The following FMN2 variants were observed in gnomAD, a reference collection of about 807,000 sequenced individuals.
FMN2 encodes the protein formin 2.
A neutral mutation model predicts 142.3 loss-of-function variants in FMN2; 51 were observed. That is an observed-to-expected ratio of 0.36 (90% CI 0.29 to 0.45). The LOEUF is 0.45. FMN2 is among the 20% of genes least tolerant of loss of function. FMN2 has a pLI of 1.00. For missense variants in FMN2, 1,936 were observed against 2,122.8 expected (o/e 0.91, Z 1.73); for synonymous variants, 882 against 869.8 (o/e 1.01, Z -0.25).
intron 16 of FMN2, among the ~76,000 whole-genome samples, chr1:240,464,840 G>A (rs917515475): frequency 1.3e-5 from 2 of 152,162 alleles, no homozygotes; most frequent in African/African-American, 2.4e-5. Context: ...TGTTTTTAAA[G>A]CTTGATTTTC....
At chr1:240,429,656 A>G (rs946715157) in intron 15 of FMN2, among the ~76,000 whole-genome samples, 1 of 152,166 alleles carries the variant, frequency 6.6e-6, no homozygotes, top group Non-Finnish European at 1.5e-5. Flanking sequence ...GACTTTTATA[A>G]GTGGAATCAT....
chr1:240,322,732 A>G (rs1314323891), intron 8 of FMN2, among the ~76,000 whole-genome samples: 1 of 152,108 alleles, frequency 6.6e-6, no homozygotes, highest in Non-Finnish European at 1.5e-5. Context: ...ACTGTGGGGG[A>G]TGGAAAGCAC....
chr1:240,337,427 A>G lies in FMN2; in HGVS notation c.4765+3198A>G, dbSNP rs1260317155. On this transcript the variant is annotated intron_variant, in intron 13 of 17. Coordinates refer to ENST00000319653, the MANE Select transcript of FMN2 (RefSeq NM_020066.5). ...GAGACAGGGTTTTGCCATGTTGGCC[A>G]GGCTGGTCTCGAACTCCTGACAAAA... Among the ~76,000 whole-genome samples the G allele has an allele frequency of 2.0e-5, 3 of 152,174 alleles. No homozygotes were observed. In the East Asian group the frequency reaches 5.8e-4, roughly 29 times the overall value.
chr1:240,218,081 G>A (rs1377003540), intron 6 of FMN2, among the ~76,000 whole-genome samples: 2 of 151,876 alleles, frequency 1.3e-5, no homozygotes, highest in African/African-American at 4.8e-5. Flanking sequence ...TCAAGAGATC[G>A]AGACCATCCT....
intron 6 of FMN2, among the ~76,000 whole-genome samples, chr1:240,221,022 C>T (rs983037200): frequency 3.9e-5 from 6 of 152,200 alleles, no homozygotes; most frequent in East Asian, 1.9e-4. Flanking sequence ...CCAGCTTCAT[C>T]CATGTCTCTG....
intron 14 of FMN2, among the ~76,000 whole-genome samples, chr1:240,381,683 G>T (rs1035997456): frequency 6.6e-6 from 1 of 152,160 alleles, no homozygotes; most frequent in African/African-American, 2.4e-5. Flanking sequence ...GCCTGCCTGG[G>T]TCTCCCAAAG....
intron 4 of FMN2, among the ~76,000 whole-genome samples, chr1:240,206,188 A>G (rs1258784205): frequency 6.6e-6 from 1 of 152,188 alleles, no homozygotes; most frequent in East Asian, 1.9e-4. Context: ...ACAGGTGTGA[A>G]CCACCATGTC....
At chr1:240,237,630 T>G (rs1301820586) in intron 6 of FMN2, among the ~76,000 whole-genome samples, 1 of 152,166 alleles carries the variant, frequency 6.6e-6, no homozygotes, top group Non-Finnish European at 1.5e-5. Context: ...AGAAGGGAAT[T>G]TCATTGGAGC....
chr1:240,195,244 C>T (rs1286642161), intron 4 of FMN2, among the ~76,000 whole-genome samples: 4 of 152,192 alleles, frequency 2.6e-5, no homozygotes, highest in African/African-American at 9.7e-5. Flanking sequence ...CGTGGACTTT[C>T]CCAGCTGATG....
intron 2 of FMN2, among the ~76,000 whole-genome samples, chr1:240,146,163 C>T (rs1428338125): frequency 6.7e-6 from 1 of 149,950 alleles, no homozygotes; most frequent in Non-Finnish European, 1.5e-5. Flanking sequence ...GTGGGCAGAT[C>T]ACGAGGTCAG....
chr1:240,209,308 C>T (rs942371518), intron 5 of FMN2, among the ~76,000 whole-genome samples: 3 of 150,606 alleles, frequency 2.0e-5, no homozygotes, highest in Admixed American at 6.6e-5. Flanking sequence ...TGGAGTGCAG[C>T]GGTGCAGCCT....
intron 2 of FMN2, chr1:240,170,225 C>A: frequency 2.4e-6 from 3 of 1,272,808 alleles, no homozygotes; most frequent in African/African-American, 1.5e-5. Context: ...GCTGGAAAGC[C>A]TCTCTCCGTA....
chr1:240,103,055 G>A (rs1411935038), intron 1 of FMN2, among the ~76,000 whole-genome samples: 3 of 151,718 alleles, frequency 2.0e-5, no homozygotes, highest in Non-Finnish European at 4.4e-5. Flanking sequence ...TTGTAGAGAC[G>A]GGGTTTCACC....
intron 13 of FMN2, 117 bp from the exon 14 acceptor site, chr1:240,355,699 C>G: frequency 1.6e-6 from 1 of 626,658 alleles, no homozygotes; most frequent in Non-Finnish European, 2.8e-6. Context: ...GTGTGCAGAA[C>G]ATATGCTGAT....
intron 2 of FMN2, among the ~76,000 whole-genome samples, chr1:240,147,235 G>C (rs973831248): frequency 6.6e-6 from 1 of 152,156 alleles, no homozygotes; most frequent in Non-Finnish European, 1.5e-5. Flanking sequence ...TGTGAAAACT[G>C]AGACTTAGGG....
chr1:240,368,015 C>T (rs1348057010), intron 14 of FMN2, among the ~76,000 whole-genome samples: 1 of 151,950 alleles, frequency 6.6e-6, no homozygotes, highest in Non-Finnish European at 1.5e-5. Context: ...TATGCTGTAC[C>T]ATTTCTATCA....
chr1:240,447,022 G>A (rs1471017957), intron 16 of FMN2, among the ~76,000 whole-genome samples: 22 of 152,200 alleles, frequency 1.4e-4, no homozygotes, highest in Admixed American at 1.4e-3. Flanking sequence ...GACTATTCCT[G>A]AGAGATGAGG....
At chr1:240,098,237 G>A (rs1390812339) in intron 1 of FMN2, among the ~76,000 whole-genome samples, 1 of 151,812 alleles carries the variant, frequency 6.6e-6, no homozygotes, top group African/African-American at 2.4e-5. Context: ...GAGTAGCTGG[G>A]ATTATAGGCG....
chr1:240,379,281 A>T (rs72767933), intron 14 of FMN2, among the ~76,000 whole-genome samples: 2,011 of 151,986 alleles, frequency 0.013, 24 homozygotes, highest in Non-Finnish European at 0.019. Flanking sequence ...GGCTCTTTAG[A>T]CATCGAACAT....
Sources: gnomAD v4.1 joint callset for allele counts (sites outside exome capture counted in the v4.1 genomes callset) on GRCh38, gnomAD v4.1.1 for gene constraint, MANE v1.5 for transcripts, NCBI Gene and HGNC (gene_info 2026-07-23, HGNC 2026-07-21) for gene names.